Variants in SUCLG2 observed in about 807,000 individuals in gnomAD.
SUCLG2 encodes succinate--CoA ligase [GDP-forming] subunit beta, mitochondrial.
In SUCLG2, 42 loss-of-function variants were observed where a neutral mutation model predicts 47.9. The ratio of observed to expected loss-of-function variants is 0.88; its 90% CI spans 0.69 to 1.14. SUCLG2 has a LOEUF of 1.14. Among genes scored for constraint, SUCLG2 ranks in the 50% most tolerant of loss-of-function variants. The pLI, the probability that SUCLG2 is intolerant of heterozygous loss-of-function variation, is 0.00. For synonymous variants in SUCLG2, 195 were observed against 197.3 expected (o/e 0.99, Z 0.10); for missense variants, 571 against 525.9 (o/e 1.09, Z -0.84).
At chr3:67,652,777 G>A (rs565024825) in intron 1 of SUCLG2, among the ~76,000 whole-genome samples, 1 of 152,258 alleles carries the variant, frequency 6.6e-6, no homozygotes, top group African/African-American at 2.4e-5. Flanking sequence ...TCACTGTATC[G>A]TTGAATATGT....
downstream of SUCLG2, among the ~76,000 whole-genome samples, chr3:67,374,180 T>G (rs1701990536): frequency 6.6e-6 from 1 of 152,210 alleles, no homozygotes; most frequent in African/African-American, 2.4e-5. Context: ...AAGAAGACAT[T>G]GTTAATATTC....
At chr3:67,620,584 C>CAAAAAAAA (rs71109890) in intron 1 of SUCLG2, among the ~76,000 whole-genome samples, 679 of 63,362 alleles carry the variant, frequency 0.011, 33 homozygotes, top group African/African-American at 0.014. Context: ...GACTCCATCT[C>CAAAAAAAA]AAAAAAAAAA....
chr3:67,498,817 C>T (rs1441829951), intron 7 of SUCLG2, among the ~76,000 whole-genome samples: 3 of 152,034 alleles, frequency 2.0e-5, no homozygotes, highest in African/African-American at 7.2e-5. Context: ...TAGAATCGCT[C>T]GATTTTTATT....
intron 9 of SUCLG2, among the ~76,000 whole-genome samples, chr3:67,459,350 G>A (rs757236323): frequency 6.6e-6 from 1 of 152,138 alleles, no homozygotes; most frequent in Non-Finnish European, 1.5e-5. Flanking sequence ...ATCACCAACT[G>A]TTGGAAGGAA....
chr3:67,408,251 A>G (rs1310596873), intron 9 of SUCLG2, among the ~76,000 whole-genome samples: 1 of 152,112 alleles, frequency 6.6e-6, no homozygotes, highest in Non-Finnish European at 1.5e-5. Flanking sequence ...CAACTCATGT[A>G]CCTCCAAAAT....
intron 5 of SUCLG2, among the ~76,000 whole-genome samples, chr3:67,519,521 T>C (rs969431426): frequency 6.6e-6 from 1 of 152,178 alleles, no homozygotes; most frequent in Non-Finnish European, 1.5e-5. Context: ...TATGGTAACA[T>C]TGGTTTCCTT....
At chr3:67,385,063 G>A (rs1008045470) in intron 10 of SUCLG2, among the ~76,000 whole-genome samples, 3 of 152,158 alleles carry the variant, frequency 2.0e-5, no homozygotes, top group Non-Finnish European at 4.4e-5. Flanking sequence ...ATAGCAATGT[G>A]CTCGCTCGCT....
intron 10 of SUCLG2, among the ~76,000 whole-genome samples, chr3:67,387,824 T>TC (rs1031536102): frequency 6.6e-6 from 1 of 152,174 alleles, no homozygotes; most frequent in Non-Finnish European, 1.5e-5. Context: ...TAAATGTACT[T>TC]CCAAGGTTTA....
intron 1 of SUCLG2, among the ~76,000 whole-genome samples, chr3:67,624,264 A>G (rs774512998): frequency 5.3e-5 from 8 of 152,186 alleles, no homozygotes; most frequent in Non-Finnish European, 8.8e-5. Flanking sequence ...TGACTTGTAG[A>G]GTAGGAAATG....
At chr3:67,597,317 C>T (rs534166925) in intron 2 of SUCLG2, among the ~76,000 whole-genome samples, 1 of 152,274 alleles carries the variant, frequency 6.6e-6, no homozygotes, top group Admixed American at 6.5e-5. Flanking sequence ...CAATCATGAC[C>T]CAATGACATT....
At position 67,360,742 on chromosome 3, in the gene SUCLG2, A is replaced by G. The variant is rs902321; in HGVS notation, c.1210T>C (p.Tyr404His). The change falls in exon 11 of 11, where the codon TAT becomes CAT. Residue 404 changes from tyrosine to histidine, a missense_variant. By Grantham distance (83) the Tyr-to-His change is moderately conservative. Transcript: ENST00000493112. ...CCTGTTTCTTGTTTTATGTGCATAT[A>G]ACTTCCTTTTTTTTCCATAAAAGTA... is the stretch of plus-strand genomic sequence containing the variant. The G allele has an allele frequency of 0.39, 593,933 of 1,522,522 alleles. 117,134 individuals are homozygous for G. The highest frequency in any genetic ancestry group is 0.45 in the East Asian group (18,314 of 40,764). The allele number at this position is 1,522,522 out of a possible 1,614,324, so 94.3% of individuals were successfully genotyped here.
chr3:67,396,467 A>G (rs1702532773), intron 10 of SUCLG2, among the ~76,000 whole-genome samples: 1 of 152,164 alleles, frequency 6.6e-6, no homozygotes. Context: ...CCAAGACTAA[A>G]CCAGGAAGAA....
intron 9 of SUCLG2, among the ~76,000 whole-genome samples, chr3:67,406,099 C>A (rs536372156): frequency 6.6e-6 from 1 of 152,158 alleles, no homozygotes; most frequent in African/African-American, 2.4e-5. Flanking sequence ...TACCTACCCC[C>A]CTTTCGCAGA....
In SUCLG2 at chr3:67,615,013, T is replaced by C. The variant is rs535378372; in HGVS notation, c.85-5417A>G. 1.4e-3 allele frequency among the ~76,000 whole-genome samples: 217 copies of C among 152,238 alleles called. 3 individuals carry two copies. Among genetic ancestry groups the C allele is most frequent in the African/African-American group, 5.1e-3 (211 of 41,544 alleles). On this transcript the variant is annotated intron_variant, in intron 1 of 10. Coordinates refer to ENST00000307227, the MANE Select transcript of SUCLG2 (RefSeq NM_003848.4). The stretch of plus-strand genomic sequence containing the variant: ...ATATCCTTGCCATCATTCCCTTCCT[T>C]CCTGCGTTTCTTTGATAGAGCAAAC...
chr3:67,591,910 C>T (rs1196565298), intron 2 of SUCLG2, among the ~76,000 whole-genome samples: 1 of 152,136 alleles, frequency 6.6e-6, no homozygotes, highest in Non-Finnish European at 1.5e-5. Context: ...CCTTGTCTCT[C>T]AAGTCTACAA....
intron 9 of SUCLG2, among the ~76,000 whole-genome samples, chr3:67,456,369 T>C (rs1472447539): frequency 6.6e-6 from 1 of 152,252 alleles, no homozygotes; most frequent in Non-Finnish European, 1.5e-5. Flanking sequence ...TAGGTCCCTC[T>C]ATGGAGAAAA....
intron 1 of SUCLG2, among the ~76,000 whole-genome samples, chr3:67,611,109 G>C (rs973202398): frequency 1.3e-5 from 2 of 152,122 alleles, no homozygotes; most frequent in Non-Finnish European, 2.9e-5. Flanking sequence ...AAATAAAAAA[G>C]TACAAGTTAG....
chr3:67,408,295 C>T (rs559698650), intron 9 of SUCLG2, among the ~76,000 whole-genome samples: 14 of 152,232 alleles, frequency 9.2e-5, no homozygotes, highest in East Asian at 7.7e-4. Context: ...CAGCATTCCT[C>T]GAAAGATACC....
At chr3:67,361,088 G>A (rs973434956) in intron 10 of SUCLG2, among the ~76,000 whole-genome samples, 2 of 152,066 alleles carry the variant, frequency 1.3e-5, no homozygotes, top group Admixed American at 6.6e-5. Flanking sequence ...AGATAATAGA[G>A]TGACTATAAT....
Sources: allele counts gnomAD v4.1 joint callset (sites outside exome capture counted in the v4.1 genomes callset), GRCh38; gene constraint gnomAD v4.1.1; transcripts MANE v1.5; gene names NCBI Gene and HGNC (gene_info 2026-07-23, HGNC 2026-07-21).